Variants in SCD5 observed in about 807,000 individuals in gnomAD.
SCD5 encodes the protein stearoyl-CoA desaturase 5.
Under a neutral mutation model 30.4 loss-of-function variants are expected in SCD5, and 20 were observed. That is an observed-to-expected ratio of 0.66 (90% CI 0.46 to 0.96). The LOEUF (loss-of-function observed/expected upper bound fraction) is 0.96. Ranked by LOEUF, SCD5 falls within the 40% of genes least tolerant of loss-of-function variation. SCD5 has a pLI of 0.00. For missense variants in SCD5, 381 were observed against 443.3 expected (o/e 0.86, Z 1.26); for synonymous variants, 173 against 176.4 (o/e 0.98, Z 0.16).
chr4:82,727,252 C>T (rs1720522200), intron 1 of SCD5, among the ~76,000 whole-genome samples: 1 of 152,200 alleles, frequency 6.6e-6, no homozygotes, highest in Non-Finnish European at 1.5e-5. Flanking sequence ...TGTACAACTG[C>T]ACCACCTGCA....
At chr4:82,796,425 T>C (rs1446226067) in intron 1 of SCD5, among the ~76,000 whole-genome samples, 2 of 152,130 alleles carry the variant, frequency 1.3e-5, no homozygotes, top group Non-Finnish European at 2.9e-5. Context: ...CACTGGGGCC[T>C]GGGAGGTGTC....
chr4:82,660,625 C>T, intron 3 of SCD5: 31 of 1,356,234 alleles, frequency 2.3e-5, no homozygotes, highest in East Asian at 3.0e-5. Context: ...TTACCCTGCT[C>T]TAGATGTGGA....
intron 1 of SCD5, among the ~76,000 whole-genome samples, chr4:82,739,321 C>G (rs1304112239): frequency 6.6e-6 from 1 of 152,194 alleles, no homozygotes; most frequent in Non-Finnish European, 1.5e-5. Context: ...ATTTCCACCA[C>G]AAACTCAACT....
chr4:82,774,213 C>G (rs1449390739), intron 1 of SCD5, among the ~76,000 whole-genome samples: 1 of 151,348 alleles, frequency 6.6e-6, no homozygotes, highest in Non-Finnish European at 1.5e-5. Context: ...ATAACATCAA[C>G]ACTGCAACAA....
intron 1 of SCD5, among the ~76,000 whole-genome samples, chr4:82,757,877 A>G (rs1379693198): frequency 6.6e-6 from 1 of 152,242 alleles, no homozygotes; most frequent in Non-Finnish European, 1.5e-5. Context: ...ATTTTTTTAA[A>G]GTACAGCCAC....
chr4:82,727,873 A>T (rs1720541029), intron 1 of SCD5, among the ~76,000 whole-genome samples: 2 of 152,104 alleles, frequency 1.3e-5, no homozygotes, highest in Admixed American at 1.3e-4. Context: ...ACACCCAGCT[A>T]ATTTTTGTAT....
At chr4:82,643,059 T>C (rs962701482) in intron 3 of SCD5, among the ~76,000 whole-genome samples, 4 of 152,158 alleles carry the variant, frequency 2.6e-5, no homozygotes, top group African/African-American at 4.8e-5. Flanking sequence ...TGTGACATGA[T>C]AGAGGCCAAT....
chr4:82,727,810 C>T (rs750356126), intron 1 of SCD5, among the ~76,000 whole-genome samples: 14 of 152,180 alleles, frequency 9.2e-5, no homozygotes, highest in East Asian at 1.9e-4. Context: ...TGGATTCAAG[C>T]GATTCTCATG....
chr4:82,687,009 A>G (rs1728722951), intron 2 of SCD5, among the ~76,000 whole-genome samples: 2 of 152,034 alleles, frequency 1.3e-5, no homozygotes, highest in African/African-American at 4.8e-5. Context: ...TGTCTCTACT[A>G]AAGGTACAAA....
At chr4:82,720,890 GC>G (rs1720355478) in intron 1 of SCD5, among the ~76,000 whole-genome samples, 1 of 152,310 alleles carries the variant, frequency 6.6e-6, no homozygotes, top group East Asian at 1.9e-4. Flanking sequence ...AGTCACTCAT[GC>G]CTGTAATCCC....
chr4:82,697,522 C>T (rs1719721303), intron 2 of SCD5, among the ~76,000 whole-genome samples: 1 of 152,142 alleles, frequency 6.6e-6, no homozygotes, highest in South Asian at 2.1e-4. Flanking sequence ...ACATTTTCAT[C>T]CCCTTGAGGT....
chr4:82,680,768 TC>T lies in SCD5; in HGVS notation c.507del (p.Lys170ArgfsTer120). The stretch of plus-strand genomic sequence containing the variant: ...TCAGTGACGTCAAGCTTTCTCCCCT[TC>T]TCAATAACATCTCGATGCTTGCGAA... Reference protein sequence around the residue: ...LFVRKHRDVIEKGRKLDVTDL... With the variant: ...LFVRKHRDVIXKGRKLDVTDL... On this transcript the variant is annotated frameshift_variant, in exon 3 of 5. Coordinates refer to ENST00000319540, the MANE Select transcript of SCD5 (RefSeq NM_001037582.3). LOFTEE classifies it high-confidence loss of function. 6.2e-7 allele frequency: 1 copy of T among 1,613,822 alleles called. No individual in the cohort carries two copies. The highest frequency in any genetic ancestry group is 1.1e-5 in the South Asian group (1 of 91,056).
chr4:82,719,811 C>A (rs1405469795), intron 1 of SCD5, among the ~76,000 whole-genome samples: 2 of 147,318 alleles, frequency 1.4e-5, no homozygotes, highest in East Asian at 4.0e-4. Flanking sequence ...CCATGATTTT[C>A]TTCTTTTTGA....
chr4:82,736,050 C>A (rs1480302218), intron 1 of SCD5, among the ~76,000 whole-genome samples: 1 of 152,166 alleles, frequency 6.6e-6, no homozygotes, highest in Non-Finnish European at 1.5e-5. Flanking sequence ...CTTTAGGAGA[C>A]CAAGGTGGGC....
intron 1 of SCD5, among the ~76,000 whole-genome samples, chr4:82,737,543 A>G (rs1720777342): frequency 6.6e-6 from 1 of 152,154 alleles, no homozygotes; most frequent in Admixed American, 6.6e-5. Context: ...GTGGCTGCAC[A>G]CTGTAATCCC....
chr4:82,660,623 C>T, intron 3 of SCD5: 1 of 1,350,582 alleles, frequency 7.4e-7, no homozygotes, highest in Non-Finnish European at 9.5e-7. Flanking sequence ...TATTACCCTG[C>T]TCTAGATGTG....
chr4:82,667,271 C>CAT (rs1728209480), intron 3 of SCD5, among the ~76,000 whole-genome samples: 2 of 134,724 alleles, frequency 1.5e-5, no homozygotes, highest in African/African-American at 2.7e-5. Context: ...TATTTTTATA[C>CAT]ACACACACAC....
chr4:82,756,114 G>C (rs1376754930), intron 1 of SCD5, among the ~76,000 whole-genome samples: 3 of 152,152 alleles, frequency 2.0e-5, no homozygotes, highest in African/African-American at 7.2e-5. Flanking sequence ...GTGTCCACAG[G>C]CACATCACAC....
At chr4:82,780,726 C>T (rs1292777176) in intron 1 of SCD5, among the ~76,000 whole-genome samples, 1 of 152,248 alleles carries the variant, frequency 6.6e-6, no homozygotes. Flanking sequence ...GATTAATTAG[C>T]ACTTCAGCTA....
Sources: allele counts gnomAD v4.1 joint callset (sites outside exome capture counted in the v4.1 genomes callset), GRCh38; gene constraint gnomAD v4.1.1; transcripts MANE v1.5; gene names NCBI Gene and HGNC (gene_info 2026-07-23, HGNC 2026-07-21).